Variants in STK32B observed in about 807,000 individuals in gnomAD.
STK32B encodes the protein serine/threonine-protein kinase 32B.
Under a neutral mutation model 52.6 loss-of-function variants are expected in STK32B, and 43 were observed. The observed-to-expected ratio is 0.82, with a 90% confidence interval of 0.64 to 1.05. The LOEUF (loss-of-function observed/expected upper bound fraction) is 1.05, where lower values mean the gene tolerates loss of function less well. STK32B is among the 50% of genes least tolerant of loss of function. The pLI, the probability that STK32B is intolerant of heterozygous loss-of-function variation, is 0.00. For synonymous variants in STK32B, 238 were observed against 204.3 expected, an observed-to-expected ratio of 1.17 and a Z score of -1.41; for missense variants, 621 against 534.6, an observed-to-expected ratio of 1.16 and a Z score of -1.59.
rs761313686 is a variant in STK32B, at chr4:5,140,159, G to A, written c.108+199G>A. 4.8e-5 allele frequency: 69 copies of A among 1,441,250 alleles called. No individual in the cohort carries two copies. In the East Asian group the frequency reaches 1.6e-3, roughly 33 times the overall value. The allele number at this position is 1,441,250 out of a possible 1,614,324, so 89.3% of individuals were successfully genotyped here. A position where few individuals can be genotyped will look rare whatever the true frequency, so the allele number is the denominator to read the frequency against. ...TTCTGGAAATTAAATTACCACAACA[G>A]CCCTGGTTTAGGTGAATTACAATGG... On this transcript the variant is annotated intron_variant, in intron 2 of 11. Coordinates refer to ENST00000282908, the MANE Select transcript of STK32B (RefSeq NM_018401.3).
At chr4:5,265,546 CAT>C (rs1727004935) in intron 3 of STK32B, among the ~76,000 whole-genome samples, 1 of 152,206 alleles carries the variant, frequency 6.6e-6, no homozygotes, top group South Asian at 2.1e-4. Flanking sequence ...AGCACTGACA[CAT>C]TTGCTGTAGA....
the STK32B span, chr4:5,019,465 G>C: frequency 7.6e-6 from 11 of 1,444,454 alleles, no homozygotes; most frequent in South Asian, 1.6e-4. Context: ...CGCTGGTGCA[G>C]CCTCGCCGAC....
In STK32B at chr4:5,438,620, A is replaced by G. The variant is rs1401280346; in HGVS notation, c.563-8053A>G. Among the ~76,000 whole-genome samples, 4 of 152,064 alleles carry G rather than the reference A, an allele frequency of 2.6e-5. No individual in the cohort carries two copies. In the East Asian group the frequency reaches 7.7e-4, roughly 29 times the overall value. ...TTTTTGTTTTTGTTTTTGTTTTTAT[A>G]CTTTAAGTTTTAGGGTACATGTGCA... On this transcript the variant is annotated intron_variant, in intron 6 of 11. Coordinates refer to ENST00000282908, the MANE Select transcript of STK32B (RefSeq NM_018401.3).
rs1332905585 is a variant in STK32B at position 5,394,463 on chromosome 4, G to A, written c.435-3744G>A. On this transcript the variant is annotated intron_variant, in intron 4 of 11. Coordinates refer to ENST00000282908, the MANE Select transcript of STK32B (RefSeq NM_018401.3). The surrounding 1 kb of genome is among the most constrained non-coding windows in gnomAD (Gnocchi z 4.2). ...CTGGCTAAACTAAAGGCTCTGCTAAGATGCTTTACCCATAAAATGCTATTC... is the reference window on the plus strand; with the variant it reads ...CTGGCTAAACTAAAGGCTCTGCTAAAATGCTTTACCCATAAAATGCTATTC... 6.6e-6 allele frequency among the ~76,000 whole-genome samples: 1 copy of A among 152,218 alleles called. No individual in the cohort carries two copies. Among genetic ancestry groups the A allele is most frequent in the African/African-American group, 2.4e-5 (1 of 41,462 alleles).
At chr4:5,303,339 C>T (rs1042810595) in intron 3 of STK32B, among the ~76,000 whole-genome samples, 2 of 152,100 alleles carry the variant, frequency 1.3e-5, no homozygotes, top group Admixed American at 1.3e-4. Context: ...TCCATGCCAA[C>T]ATCTATTATT....
In STK32B at chr4:5,399,171, G is replaced by A. The variant is rs1252918610; in HGVS notation, c.472+927G>A. 6.6e-6 allele frequency among the ~76,000 whole-genome samples: 1 copy of A among 152,196 alleles called. No homozygotes were observed. The highest frequency in any genetic ancestry group is 2.4e-5 in the African/African-American group (1 of 41,448). On this transcript the variant is annotated intron_variant, in intron 5 of 11. Coordinates refer to ENST00000282908, the MANE Select transcript of STK32B (RefSeq NM_018401.3). The surrounding 1 kb of genome is among the most constrained non-coding windows in gnomAD (Gnocchi z 5.4). Reference sequence around the variant, plus strand: ...ACTAAATTCACTGGCATTGCTTCAGGGGCCCGTCTCTCAGGGCCTAACATG... The same window carrying A: ...ACTAAATTCACTGGCATTGCTTCAGAGGCCCGTCTCTCAGGGCCTAACATG...
intron 6 of STK32B, among the ~76,000 whole-genome samples, chr4:5,442,433 CT>C (rs1184873026): frequency 2.0e-5 from 3 of 151,520 alleles, no homozygotes; most frequent in Admixed American, 1.3e-4. Context: ...CAACCCCTGC[CT>C]TTTTTTGTTT....
chr4:5,288,131 T>C (rs951136877), intron 3 of STK32B, among the ~76,000 whole-genome samples: 4 of 152,368 alleles, frequency 2.6e-5, no homozygotes, highest in African/African-American at 9.6e-5. Flanking sequence ...TTTATGGATC[T>C]ACCATACTTT....
chr4:5,280,772 G>A (rs960087481), intron 3 of STK32B, among the ~76,000 whole-genome samples: 3 of 151,980 alleles, frequency 2.0e-5, no homozygotes, highest in African/African-American at 7.2e-5. Flanking sequence ...GGTGGTGGGT[G>A]CCTGTAATCC....
intron 1 of STK32B, among the ~76,000 whole-genome samples, chr4:5,067,073 C>A (rs1742454102): frequency 6.6e-6 from 1 of 152,180 alleles, no homozygotes; most frequent in African/African-American, 2.4e-5. Flanking sequence ...AATGGACTCA[C>A]AGTTCCAGTT....
rs183612963 is a variant in STK32B, at chr4:5,201,301, T to C, written c.260+32851T>C. Among the ~76,000 whole-genome samples the C allele has an allele frequency of 6.0e-4, 92 of 152,286 alleles. 1 individual carries two copies. In the East Asian group the frequency reaches 0.017, roughly 28 times the overall value. Reference sequence around the variant, plus strand: ...CCTTCTCCTGTTTCTGGGGGTGTAGTGAGCATCCTGCAGCCCCATTTGCCC... The same window carrying C: ...CCTTCTCCTGTTTCTGGGGGTGTAGCGAGCATCCTGCAGCCCCATTTGCCC... On this transcript the variant is annotated intron_variant, in intron 3 of 11. Coordinates refer to ENST00000282908, the MANE Select transcript of STK32B (RefSeq NM_018401.3).
intron 4 of STK32B, among the ~76,000 whole-genome samples, chr4:5,356,177 C>T (rs1734159626): frequency 6.6e-6 from 1 of 152,090 alleles, no homozygotes; most frequent in Admixed American, 6.5e-5. Flanking sequence ...TGAGAGACAC[C>T]TTTCTTGCCT....
chr4:5,254,005 T>G (rs1018239541), intron 3 of STK32B, among the ~76,000 whole-genome samples: 3 of 151,944 alleles, frequency 2.0e-5, no homozygotes, highest in Non-Finnish European at 2.9e-5. Flanking sequence ...CAGGCTGGTC[T>G]TGAACTCCTG....
In STK32B at chr4:5,299,565, C is replaced by G. The variant is rs533525694; in HGVS notation, c.261-31655C>G. 9.5e-4 allele frequency among the ~76,000 whole-genome samples: 144 copies of G among 152,194 alleles called. No homozygotes were observed. In the Middle Eastern group the frequency reaches 0.014, roughly 14 times the overall value. The stretch of plus-strand genomic sequence containing the variant: ...TATTTTTGCTTGCTTTGCCAAAGAT[C>G]AGTTGGTTGTAGGTATGTGGCTTTA... On this transcript the variant is annotated intron_variant, in intron 3 of 11. Transcript: ENST00000282908.
chr4:5,356,970 C>G (rs1734210631), intron 4 of STK32B, among the ~76,000 whole-genome samples: 1 of 151,818 alleles, frequency 6.6e-6, no homozygotes, highest in African/African-American at 2.4e-5. Context: ...TGCACTCCAG[C>G]CTGGGCAACA....
chr4:5,315,192 C>T (rs1177754718), intron 3 of STK32B, among the ~76,000 whole-genome samples: 2 of 152,094 alleles, frequency 1.3e-5, no homozygotes, highest in African/African-American at 4.8e-5. Context: ...CAGAAGAGGA[C>T]ATACAAATAA....
chr4:5,350,024 CAGA>C (rs914851848), intron 4 of STK32B, among the ~76,000 whole-genome samples: 17 of 152,052 alleles, frequency 1.1e-4, no homozygotes, highest in African/African-American at 3.4e-4. Flanking sequence ...TTCAGTGTCC[CAGA>C]AGGAGAATAG....
chr4:5,188,377 T>C (rs1156640242), intron 3 of STK32B, among the ~76,000 whole-genome samples: 1 of 152,204 alleles, frequency 6.6e-6, no homozygotes, highest in Non-Finnish European at 1.5e-5. Context: ...GTGGTGCCCT[T>C]GATCCTCAAG....
chr4:5,203,399 C>A (rs1722309452), intron 3 of STK32B, among the ~76,000 whole-genome samples: 2 of 152,278 alleles, frequency 1.3e-5, no homozygotes, highest in South Asian at 2.1e-4. Context: ...TTCCCCTCCA[C>A]ACCCACTGTA....
Sources: allele counts gnomAD v4.1 joint callset (sites outside exome capture counted in the v4.1 genomes callset), GRCh38; gene constraint gnomAD v4.1.1; non-coding constraint Gnocchi (gnomAD v3.1); transcripts MANE v1.5; gene names NCBI Gene and HGNC (gene_info 2026-07-23, HGNC 2026-07-21).